The following PLB1 variants were observed in gnomAD, a reference collection of about 807,000 sequenced individuals.
PLB1 encodes the protein phospholipase B1.
A neutral mutation model predicts 227.4 loss-of-function variants in PLB1; 242 were observed. The ratio of observed to expected loss-of-function variants is 1.06; its 90% CI spans 0.96 to 1.18. The LOEUF (loss-of-function observed/expected upper bound fraction) is 1.18, where lower values mean the gene tolerates loss of function less well. Ranked by LOEUF, PLB1 falls within the 50% of genes most tolerant of loss-of-function variation. PLB1 has a pLI of 0.00. For synonymous variants in PLB1, 757 were observed against 682.2 expected, an observed-to-expected ratio of 1.11 and a Z score of -1.71; for missense variants, 1,858 against 1,816.3, an observed-to-expected ratio of 1.02 and a Z score of -0.42.
At chr2:28,634,571 G>A (rs1689076800) in intron 56 of PLB1, among the ~76,000 whole-genome samples, 2 of 152,098 alleles carry the variant, frequency 1.3e-5, no homozygotes, top group Non-Finnish European at 2.9e-5. Flanking sequence ...GTGACGGCTG[G>A]AACATGAAAA....
chr2:28,541,626 C>A, intron 12 of PLB1, 81 bp from the exon 13 acceptor site: 1 of 1,037,394 alleles, frequency 9.6e-7, no homozygotes, highest in Non-Finnish European at 1.5e-6. Context: ...CCAGGGCTGC[C>A]GAGAATGATT....
chr2:28,586,505 G>A (rs551396938), intron 26 of PLB1, among the ~76,000 whole-genome samples: 1 of 152,274 alleles, frequency 6.6e-6, no homozygotes, highest in Non-Finnish European at 1.5e-5. Flanking sequence ...AGAGGACAGT[G>A]GTAGGCCTTT....
chr2:28,520,665 T>C (rs976417543), intron 4 of PLB1, among the ~76,000 whole-genome samples: 2 of 152,108 alleles, frequency 1.3e-5, no homozygotes, highest in African/African-American at 4.8e-5. Context: ...TTTTGGCAGT[T>C]CTAGGTACCT....
rs116516090 is a variant in PLB1, at chr2:28,505,018, A to T, written c.55+8849A>T. Among the ~76,000 whole-genome samples the T allele has an allele frequency of 9.9e-3, 1,509 of 152,272 alleles. 33 individuals are homozygous for T. The highest frequency in any genetic ancestry group is 0.034 in the African/African-American group (1,429 of 41,536). On this transcript the variant is annotated intron_variant, in intron 1 of 57. Coordinates refer to ENST00000327757, the MANE Select transcript of PLB1 (RefSeq NM_153021.5). ...GTGTTCATTCTATTGGGCACTGGGG[A>T]TGTTATCACATTTGAGGATCACTTC...
At chr2:28,571,181 C>T (rs1378045407) in intron 20 of PLB1, among the ~76,000 whole-genome samples, 1 of 151,936 alleles carries the variant, frequency 6.6e-6, no homozygotes, top group Non-Finnish European at 1.5e-5. Flanking sequence ...TTTATACTAG[C>T]AATTAATATG....
chr2:28,565,660 C>G (rs558261692), intron 19 of PLB1, among the ~76,000 whole-genome samples: 1 of 152,160 alleles, frequency 6.6e-6, no homozygotes. Context: ...AGGCAGTGGC[C>G]TGAGTGATGC....
At chr2:28,640,672 C>T (rs969198620) in intron 56 of PLB1, among the ~76,000 whole-genome samples, 1 of 152,152 alleles carries the variant, frequency 6.6e-6, no homozygotes, top group East Asian at 1.9e-4. Context: ...CTTGCTGTAC[C>T]CGGCAAATCC....
intron 44 of PLB1, 27 bp downstream of exon 44, chr2:28,614,123 C>T: frequency 6.3e-7 from 1 of 1,585,572 alleles, no homozygotes; most frequent in Non-Finnish European, 8.7e-7. Flanking sequence ...ATCTGCCTCT[C>T]TCAGACACAA....
intron 27 of PLB1, 47 bp downstream of exon 27, chr2:28,589,601 G>T (rs541894263): frequency 6.2e-7 from 1 of 1,609,292 alleles, no homozygotes; most frequent in South Asian, 1.1e-5. Flanking sequence ...CAGATAGTGT[G>T]TGGCTGTTTC....
At position 28,579,697 on chromosome 2, in the gene PLB1, G is replaced by A. The variant is rs1188361517; in HGVS notation, c.1556G>A (p.Cys519Tyr). 15 of 1,612,276 alleles carry A rather than the reference G, an allele frequency of 9.3e-6. No individual in the cohort carries two copies. Among genetic ancestry groups the A allele is most frequent in the Non-Finnish European group, 1.2e-5 (14 of 1,178,622 alleles). The stretch of plus-strand genomic sequence containing the variant: ...GGCGGCAATGACCTCTGTGATTTCT[G>A]CAATGATCTGGTAGGTCTCCAGGCA... ...FIGGNDLCDF[C>Y]NDLVHYSPQN... Residue 519 changes from cysteine to tyrosine, a missense_variant, in exon 23 of 58, where the codon TGC becomes TAC. Coordinates refer to ENST00000327757, the MANE Select transcript of PLB1 (RefSeq NM_153021.5).
intron 36 of PLB1, 21 bp downstream of exon 36, chr2:28,600,881 T>C (rs866600550): frequency 6.3e-7 from 1 of 1,595,156 alleles, no homozygotes; most frequent in Middle Eastern, 1.7e-4. Context: ...TTTACTGTTA[T>C]TTCTAAACAT....
chr2:28,515,384 A>T (rs1433014599), intron 1 of PLB1, among the ~76,000 whole-genome samples: 1 of 152,134 alleles, frequency 6.6e-6, no homozygotes, highest in Admixed American at 6.5e-5. Flanking sequence ...GCCTCCAGTT[A>T]CAAACACCTA....
chr2:28,630,564 T>A, intron 53 of PLB1, 22 bp from the exon 54 acceptor site: 1 of 1,608,952 alleles, frequency 6.2e-7, no homozygotes, highest in Non-Finnish European at 8.5e-7. Flanking sequence ...GCAGCCTCAA[T>A]ACAACACTCC....
intron 6 of PLB1, among the ~76,000 whole-genome samples, 195 bp downstream of exon 6, chr2:28,526,140 G>A (rs945446643): frequency 1.1e-4 from 16 of 152,146 alleles, no homozygotes; most frequent in East Asian, 1.9e-4. Flanking sequence ...GGGGGTGTGC[G>A]AAATGTATCC....
At chr2:28,511,702 A>G (rs1668277192) in intron 1 of PLB1, among the ~76,000 whole-genome samples, 1 of 151,814 alleles carries the variant, frequency 6.6e-6, no homozygotes. Flanking sequence ...TGCTTATCCT[A>G]CTTAACGTTC....
rs377354770 is a variant in PLB1, at chr2:28,589,541, T to C, written c.1907T>C (p.Met636Thr). 25 of 1,614,010 alleles carry C rather than the reference T, an allele frequency of 1.5e-5. No homozygotes were observed. Among genetic ancestry groups the C allele is most frequent in the Non-Finnish European group, 1.9e-5 (22 of 1,180,026 alleles). ...CAGCCGTTCTTTGAAAACGTGGACA[T>C]GCCAAAGACCTCGGTAAAGAAAGCA... ...VVQPFFENVD[M>T]PKTSEGLPDN... is the part of the protein sequence containing the mutation. Residue 636 changes from methionine to threonine, a missense_variant, in exon 27 of 58, where the codon ATG becomes ACG. Physicochemically the swap from Met to Thr is moderately conservative, Grantham distance 81. Transcript: ENST00000327757.
rs999923825 is a variant in PLB1 at position 28,632,805 on chromosome 2, C to T, written c.4003-139C>T. ...GAAATTCTAAATTCTGGGAGTTTTT[C>T]CATCAGTATCTGAGCAAGTTGGCAG... is the stretch of plus-strand genomic sequence containing the variant. On this transcript the variant is annotated intron_variant, in intron 55 of 57. Transcript: ENST00000327757. 4.7e-6 allele frequency: 3 copies of T among 638,926 alleles called. No individual in the cohort carries two copies. In the African/African-American group the frequency reaches 6.4e-5, roughly 14 times the overall value. 39.6% of individuals were successfully genotyped at this position (638,926 alleles called of 1,614,324 possible).
chr2:28,628,249 A>G (rs11127182), intron 51 of PLB1, among the ~76,000 whole-genome samples: 42,459 of 152,116 alleles, frequency 0.28, 6,837 homozygotes, highest in African/African-American at 0.44. Flanking sequence ...AGGTCAGATG[A>G]CGGATGGGAC....
At chr2:28,519,784 G>A (rs751763022) in intron 4 of PLB1, 21 bp downstream of exon 4, 5 of 1,597,872 alleles carry the variant, frequency 3.1e-6, no homozygotes, top group Non-Finnish European at 4.3e-6. Context: ...GAAGTAGCTT[G>A]GGGCAGGAGA....
Sources: gnomAD v4.1 joint callset for allele counts (sites outside exome capture counted in the v4.1 genomes callset) on GRCh38, gnomAD v4.1.1 for gene constraint, MANE v1.5 for transcripts, NCBI Gene and HGNC (gene_info 2026-07-23, HGNC 2026-07-21) for gene names.